The following ACTR5 variants were observed in gnomAD, a reference collection of about 807,000 sequenced individuals.
The protein encoded by ACTR5 is actin-related protein 5.
A neutral mutation model predicts 61.2 loss-of-function variants in ACTR5; 43 were observed. The observed-to-expected ratio is 0.70, with a 90% CI of 0.55 to 0.91. The LOEUF (loss-of-function observed/expected upper bound fraction) is 0.91. Ranked by LOEUF, ACTR5 falls within the 40% of genes least tolerant of loss-of-function variation. ACTR5 has a pLI of 0.00. For synonymous variants in ACTR5, 333 were observed against 310.5 expected, an observed-to-expected ratio of 1.07 and a Z score of -0.76; for missense variants, 798 against 782.2, an observed-to-expected ratio of 1.02 and a Z score of -0.24.
rs1384268485 is a variant in ACTR5 at position 38,750,152 on chromosome 20, A to G, written c.518A>G (p.His173Arg). The change falls in exon 2 of 9, where the codon CAC (histidine) becomes CGC (arginine). Residue 173 changes from histidine to arginine, a missense_variant. Transcript: ENST00000243903. ...ATAGACAGCCTCTTCAGCTTCTACC[A>G]CAATAAGCCAAAGAACTCGATGTGC... ...YGIDSLFSFYHNKPKNSMCSG... is the reference protein window; with the variant it reads ...YGIDSLFSFYRNKPKNSMCSG... 3.7e-6 allele frequency: 6 copies of G among 1,614,186 alleles called. No individual in the cohort carries two copies. In the Admixed American group the frequency reaches 6.7e-5, roughly 18 times the overall value.
intron 5 of ACTR5, among the ~76,000 whole-genome samples, chr20:38,762,498 G>T (rs116335622): frequency 2.0e-5 from 3 of 152,216 alleles, no homozygotes; most frequent in Non-Finnish European, 2.9e-5. Context: ...TGTTTGGGGA[G>T]TGTCAAGGTC....
rs368582667 is a variant in ACTR5, at chr20:38,754,944, T to C, written c.776-13T>C. 5.6e-6 allele frequency: 9 copies of C among 1,612,040 alleles called. No homozygotes were observed. The highest frequency in any genetic ancestry group is 3.3e-4 in the Middle Eastern group (2 of 6,050). ...GTTTCCATTTCATAACTTTCAAAAT[T>C]GTTTCTTTGAAGAATTACACAAATG... On this transcript the variant is annotated splice_polypyrimidine_tract_variant and intron_variant, in intron 3 of 8. Coordinates refer to ENST00000243903, the MANE Select transcript of ACTR5 (RefSeq NM_024855.4).
intron 6 of ACTR5, 42 bp downstream of exon 6, chr20:38,765,560 T>A: frequency 6.5e-7 from 1 of 1,529,212 alleles, no homozygotes; most frequent in Non-Finnish European, 9.1e-7. Context: ...TCTTTGAAGG[T>A]GTTGACCTAA....
In ACTR5 at chr20:38,755,054, T is replaced by C; in HGVS notation, c.873T>C (p.Ser291=). The change falls in exon 4 of 9, where the codon TCT becomes TCC. Residue 291 remains serine, a synonymous_variant. Coordinates refer to ENST00000243903, the MANE Select transcript of ACTR5 (RefSeq NM_024855.4). ...SSKLLGSTLT[S]EEKQERRQQQ... is the part of the protein sequence containing the mutation. ...AGCTCCTGGGCAGCACTCTGACCTCTGAGGAGAAACAAGAAAGGCGGCAGC... is the reference window on the plus strand; with the variant it reads ...AGCTCCTGGGCAGCACTCTGACCTCCGAGGAGAAACAAGAAAGGCGGCAGC... 1 of 1,614,244 alleles carries C rather than the reference T, an allele frequency of 6.2e-7. No individual in the cohort carries two copies.
chr20:38,760,316 C>T (rs1000397709), intron 5 of ACTR5, among the ~76,000 whole-genome samples: 8 of 152,046 alleles, frequency 5.3e-5, no homozygotes, highest in African/African-American at 1.9e-4. Context: ...GTTCTTTACC[C>T]ATCAGTCTTA....
intron 3 of ACTR5, among the ~76,000 whole-genome samples, chr20:38,754,485 G>A (rs1019136627): frequency 1.6e-4 from 25 of 152,114 alleles, no homozygotes; most frequent in African/African-American, 4.3e-4. Flanking sequence ...TTGGGAGGCC[G>A]AGGCGAGTGG....
intron 5 of ACTR5, among the ~76,000 whole-genome samples, chr20:38,756,277 C>T (rs1207767889): frequency 7.9e-5 from 12 of 152,220 alleles, no homozygotes; most frequent in Non-Finnish European, 2.9e-5. Flanking sequence ...AACATTCACA[C>T]ACCAAACCTG....
Position 38,756,923 on chromosome 20 carries a change from AATAAGT to A in ACTR5, c.1176+887_1176+892del, listed in dbSNP as rs571984654. Reference sequence around the variant, plus strand: ...CCATCTCAAAAAAAATAAATAAATAAATAAGTATTTTTGTTTGTTTGAGACAGGGTC... The same window carrying A: ...CCATCTCAAAAAAAATAAATAAATAAATTTTTGTTTGTTTGAGACAGGGTC... On this transcript the variant is annotated intron_variant, in intron 5 of 8. Transcript: ENST00000243903. 5.6e-3 allele frequency among the ~76,000 whole-genome samples: 857 copies of A among 152,246 alleles called. 8 individuals carry two copies. The highest frequency in any genetic ancestry group is 6.7e-3 in the Non-Finnish European group (457 of 68,012).
At chr20:38,753,658 A>C (rs2084400150) in intron 3 of ACTR5, among the ~76,000 whole-genome samples, 1 of 152,128 alleles carries the variant, frequency 6.6e-6, no homozygotes, top group Non-Finnish European at 1.5e-5. Context: ...ATCTACCTAT[A>C]TCATTATATT....
In ACTR5 at chr20:38,755,982, G is replaced by A; in HGVS notation, c.1119G>A (p.Gln373=). The A allele has an allele frequency of 6.2e-7, 1 of 1,614,036 alleles. No individual in the cohort carries two copies. The highest frequency in any genetic ancestry group is 8.5e-7 in the Non-Finnish European group (1 of 1,180,032). ...KLSIAVEQAK[Q]KILQAEVNLE... is the part of the protein sequence containing the mutation. ...GTATAGCAGTGGAGCAGGCTAAGCA[G>A]AAAATCCTCCAAGCGGAAGTCAACC... is the stretch of plus-strand genomic sequence containing the variant. The change falls in exon 5 of 9, where the codon CAG becomes CAA. Residue 373 remains glutamine, a synonymous_variant. Transcript: ENST00000243903.
intron 3 of ACTR5, 100 bp downstream of exon 3, chr20:38,752,400 A>G (rs1479625622): frequency 2.3e-6 from 3 of 1,308,766 alleles, no homozygotes; most frequent in Admixed American, 2.8e-5. Flanking sequence ...CTTTTTAAGC[A>G]CCTCCTTCCC....
At chr20:38,754,929 C>T (rs2084410525) in intron 3 of ACTR5, 28 bp from the exon 4 acceptor site, 1 of 1,608,526 alleles carries the variant, frequency 6.2e-7, no homozygotes, top group Non-Finnish European at 8.5e-7. Context: ...GTTTCCATTT[C>T]ATAACTTTCA....
At chr20:38,760,619 G>A (rs757810206) in intron 5 of ACTR5, among the ~76,000 whole-genome samples, 2 of 152,176 alleles carry the variant, frequency 1.3e-5, no homozygotes, top group African/African-American at 4.8e-5. Flanking sequence ...CTCCTGGTTC[G>A]TGTTCACAAC....
In ACTR5 at chr20:38,765,474, T is replaced by C. The variant is rs778061414; in HGVS notation, c.1249T>C (p.Ser417Pro). The C allele has an allele frequency of 1.2e-6, 2 of 1,614,204 alleles. No homozygotes were observed. The highest frequency in any genetic ancestry group is 1.1e-5 in the South Asian group (1 of 91,082). ...CATGAATGATTTTGATCCCTTGTTT[T>C]CAGAGGAAACACCTGGAGTGGAGAA... ...ESMNDFDPLF[S>P]EETPGVEKPV... Residue 417 changes from serine (S) to proline (P), a missense_variant, in exon 6 of 9, where the codon TCA becomes CCA. Physicochemically the swap from Ser to Pro is moderately conservative, Grantham distance 74. Coordinates refer to ENST00000243903, the MANE Select transcript of ACTR5 (RefSeq NM_024855.4).
chr20:38,756,048 G>T lies in ACTR5; in HGVS notation c.1176+9G>T. On this transcript the variant is annotated intron_variant, in intron 5 of 8. Coordinates refer to ENST00000243903, the MANE Select transcript of ACTR5 (RefSeq NM_024855.4). ...TAGACAGCAAGCCAGAGGTAACTTA[G>T]GGCCTTGGAAGGAGCAGCCCTTCTT... 1 of 1,608,740 alleles carries T rather than the reference G, an allele frequency of 6.2e-7. No homozygotes were observed. The highest frequency in any genetic ancestry group is 8.5e-7 in the Non-Finnish European group (1 of 1,178,392).
chr20:38,769,852 GGA>G (rs2084509700), intron 8 of ACTR5, among the ~76,000 whole-genome samples: 1 of 152,198 alleles, frequency 6.6e-6, no homozygotes, highest in African/African-American at 2.4e-5. Context: ...GTGGGGAGCA[GGA>G]GAGAGCAGCA....
In ACTR5 at chr20:38,748,646, G is replaced by A; in HGVS notation, c.168G>A (p.Glu56=). ...GTCCCGGGCAGGACCCAGGTCCCGAGCCGCGCCTGCAGTTCCGCGCGGTGT... is the reference window on the plus strand; with the variant it reads ...GTCCCGGGCAGGACCCAGGTCCCGAACCGCGCCTGCAGTTCCGCGCGGTGT... ...WACPGQDPGP[E]PRLQFRAVCA... The change falls in exon 1 of 9, where the codon GAG becomes GAA. Residue 56 remains glutamate (E), a synonymous_variant. Transcript: ENST00000243903. 2 of 1,517,772 alleles carry A rather than the reference G, an allele frequency of 1.3e-6. No homozygotes were observed. Among genetic ancestry groups the A allele is most frequent in the Non-Finnish European group, 8.8e-7 (1 of 1,135,596 alleles). 94.0% of individuals were successfully genotyped at this position (1,517,772 alleles called of 1,614,324 possible). A position where few individuals can be genotyped will look rare whatever the true frequency, so the allele number is the denominator to read the frequency against.
rs141204447 is a variant in ACTR5 at position 38,766,241 on chromosome 20, G to A, written c.1297G>A (p.Val433Met). The stretch of plus-strand genomic sequence containing the variant: ...TTTAAACCTTGGGTTTTTAAAGCCC[G>A]TGTTTAACTTGGCAGCATATCATCA... ...VEKPVTTVQP[V>M]FNLAAYHQLF... The change falls in exon 7 of 9, where the codon GTG becomes ATG. Residue 433 changes from valine (V) to methionine (M), a missense_variant. Val to Met is a conservative substitution (Grantham distance 21). Transcript: ENST00000243903. The A allele has an allele frequency of 7.2e-4, 1,165 of 1,607,018 alleles. 11 individuals are homozygous for A. The Admixed American group carries it at 0.011, about 15-fold the overall frequency.
At chr20:38,767,437 C>A in intron 7 of ACTR5, 27 bp from the exon 8 acceptor site, 1 of 1,596,730 alleles carries the variant, frequency 6.3e-7, no homozygotes, top group Non-Finnish European at 8.5e-7. Flanking sequence ...AGTTAAGGGA[C>A]TATATTAGGA....
Sources: gnomAD v4.1 joint callset for allele counts (sites outside exome capture counted in the v4.1 genomes callset) on GRCh38, gnomAD v4.1.1 for gene constraint, MANE v1.5 for transcripts, NCBI Gene and HGNC (gene_info 2026-07-23, HGNC 2026-07-21) for gene names.